Variants in AKAP3 observed in about 807,000 individuals in gnomAD.
AKAP3 encodes the protein A-kinase anchor protein 3.
AKAP3 carries 27 observed loss-of-function variants against 57.2 expected under a neutral mutation model. That is an observed-to-expected ratio of 0.47 (90% confidence interval 0.35 to 0.65). The LOEUF (loss-of-function observed/expected upper bound fraction) is 0.65, where lower values mean the gene tolerates loss of function less well. Among genes scored for constraint, AKAP3 ranks in the 30% least tolerant of loss-of-function variants. The pLI, the probability that AKAP3 is intolerant of heterozygous loss-of-function variation, is 0.01. For synonymous variants in AKAP3, 334 were observed against 392.3 expected, an observed-to-expected ratio of 0.85 and a Z score of 1.76; for missense variants, 959 against 1,040.0, an observed-to-expected ratio of 0.92 and a Z score of 1.07.
In AKAP3 at chr12:4,615,832, C is replaced by T. The variant is rs763371692; in HGVS notation, c.2469G>A (p.Ser823=). ...KGCSVGEVLQ[S]VLRYEKERQL... Reference sequence around the variant, plus strand: ...GGCGCTCCTTCTCATAGCGCAGCACCGACTGCAGAACCTCGCCCACACTGC... The same window carrying T: ...GGCGCTCCTTCTCATAGCGCAGCACTGACTGCAGAACCTCGCCCACACTGC... The change falls in exon 6 of 6, where the codon TCG becomes TCA. Residue 823 remains serine, a synonymous_variant. Transcript: ENST00000228850. The T allele has an allele frequency of 1.7e-5, 27 of 1,614,100 alleles. No individual in the cohort carries two copies. Among genetic ancestry groups the T allele is most frequent in the Admixed American group, 3.3e-5 (2 of 60,002 alleles).
At chr12:4,619,486 A>C (rs1945321401) in intron 5 of AKAP3, among the ~76,000 whole-genome samples, 1 of 151,930 alleles carries the variant, frequency 6.6e-6, no homozygotes, top group African/African-American at 2.4e-5. Context: ...AAGCCTAGGG[A>C]GTTTGAGGCT....
rs773938534 is a variant in AKAP3, at chr12:4,628,039, T to G, written c.863A>C (p.Tyr288Ser). The G allele has an allele frequency of 6.2e-6, 10 of 1,614,156 alleles. No homozygotes were observed. The highest frequency in any genetic ancestry group is 8.5e-6 in the Non-Finnish European group (10 of 1,180,014). The change falls in exon 5 of 6, where the codon TAT becomes TCT. Residue 288 changes from tyrosine to serine, a missense_variant. Coordinates refer to ENST00000228850, the MANE Select transcript of AKAP3 (RefSeq NM_001278309.2). ...CATATCAGATACCACACTGTTAGCA[T>G]AGGTCATGATCCCTTCACTAACAGA... ...TASVSEGIMT[Y>S]ANSVVSDMMV...
At chr12:4,636,512 G>C (rs1297645175) in intron 4 of AKAP3, among the ~76,000 whole-genome samples, 1 of 152,212 alleles carries the variant, frequency 6.6e-6, no homozygotes, top group East Asian at 1.9e-4. Flanking sequence ...CATTGAAACT[G>C]ATCTGCCTTT....
chr12:4,616,097 A>G (rs1945282033), intron 5 of AKAP3, among the ~76,000 whole-genome samples: 1 of 152,248 alleles, frequency 6.6e-6, no homozygotes, highest in South Asian at 2.1e-4. Flanking sequence ...CCACCTGCCC[A>G]TGATCTTGCT....
chr12:4,628,957 G>T, intron 4 of AKAP3, 152 bp from the exon 5 acceptor site: 2 of 683,788 alleles, frequency 2.9e-6, no homozygotes, highest in Non-Finnish European at 2.3e-6. Flanking sequence ...TACTCACTGT[G>T]TATCAGACAT....
At chr12:4,638,039 G>C (rs1945587886) in intron 4 of AKAP3, 62 bp downstream of exon 4, 4 of 1,338,110 alleles carry the variant, frequency 3.0e-6, no homozygotes, top group Non-Finnish European at 4.3e-6. Flanking sequence ...AGAGAATAAG[G>C]CTACTCTTAA....
intron 5 of AKAP3, among the ~76,000 whole-genome samples, chr12:4,616,368 T>C (rs970791068): frequency 6.6e-6 from 1 of 152,238 alleles, no homozygotes; most frequent in African/African-American, 2.4e-5. Context: ...CCAAAATTCA[T>C]TGCAGGTATT....
chr12:4,628,593 G>A lies in AKAP3; in HGVS notation c.309C>T (p.His103=), dbSNP rs767638862. The A allele has an allele frequency of 2.5e-6, 4 of 1,614,098 alleles. No individual in the cohort carries two copies. The African/African-American group carries it at 5.3e-5, about 22-fold the overall frequency. ...TGGGGCCCTGGCAAGGAATCTCTTT[G>A]TGAGTCATCTCAAAATGCAATCTTT... The part of the protein sequence containing the change: ...TPERLHFEMT[H]KEIPCQGPRA... The change falls in exon 5 of 6, where the codon CAC becomes CAT. Residue 103 remains histidine, a synonymous_variant. Transcript: ENST00000228850.
intron 4 of AKAP3, among the ~76,000 whole-genome samples, chr12:4,629,696 G>A (rs7316317): frequency 0.1 from 15,309 of 152,124 alleles, 1,448 homozygotes; most frequent in East Asian, 0.27. Context: ...AACTGAATCA[G>A]ATTTTTTCTT....
At chr12:4,618,539 T>A (rs1945311935) in intron 5 of AKAP3, among the ~76,000 whole-genome samples, 1 of 152,258 alleles carries the variant, frequency 6.6e-6, no homozygotes, top group Admixed American at 6.5e-5. Context: ...AAAATCTTCA[T>A]GGCCTTGCAT....
At position 4,626,583 on chromosome 12, in the gene AKAP3, G is replaced by C; in HGVS notation, c.2319C>G (p.Leu773=). The C allele has an allele frequency of 1.2e-6, 2 of 1,614,184 alleles. No individual in the cohort carries two copies. Among genetic ancestry groups the C allele is most frequent in the Non-Finnish European group, 1.7e-6 (2 of 1,180,016 alleles). ...NLTDTVQNKQ[L]QAVLQWVAAS... is the part of the protein sequence containing the mutation. ...CAGCTACCCATTGAAGGACGGCTTG[G>C]AGTTGCTTGTTCTGAACTGTGTCCG... Residue 773 remains leucine, a synonymous_variant, in exon 5 of 6, where the codon CTC becomes CTG. Coordinates refer to ENST00000228850, the MANE Select transcript of AKAP3 (RefSeq NM_001278309.2).
rs1945734083 is a variant in AKAP3, at chr12:4,648,940, CAA to C, written c.-442_-441del. The C allele has an allele frequency of 6.2e-6, 4 of 645,200 alleles. No homozygotes were observed. Among genetic ancestry groups the C allele is most frequent in the Non-Finnish European group, 1.1e-5 (4 of 375,248 alleles). The allele number at this position is 645,200 out of a possible 1,614,324, so 40.0% of individuals were successfully genotyped here. ...ATTCCAGATCTGAGATTCCAACAGC[CAA>C]AGTCTTTTCACTTCCTTTCTTCCCC... On this transcript the variant is annotated 5_prime_UTR_variant, in exon 1 of 6. Transcript: ENST00000228850.
intron 4 of AKAP3, chr12:4,631,225 ATC>A (rs2137437316): frequency 1.7e-6 from 1 of 588,118 alleles, no homozygotes; most frequent in East Asian, 3.2e-5. Flanking sequence ...CCATTTGGTA[ATC>A]TCTTTTATGG....
rs1945276064 is a variant in AKAP3 at position 4,615,729 on chromosome 12, G to A, written c.*10C>T. ...ACTGCCAGAAGAGGGGAAAGCAGTG[G>A]GGTTGCCGATTACAGGTTCACCATC... On this transcript the variant is annotated 3_prime_UTR_variant, in exon 6 of 6. Coordinates refer to ENST00000228850, the MANE Select transcript of AKAP3 (RefSeq NM_001278309.2). The A allele has an allele frequency of 1.9e-6, 3 of 1,611,800 alleles. No individual in the cohort carries two copies. In the East Asian group the frequency reaches 6.7e-5, roughly 36 times the overall value.
At chr12:4,646,908 G>A (rs1045178275) in intron 1 of AKAP3, among the ~76,000 whole-genome samples, 2 of 151,720 alleles carry the variant, frequency 1.3e-5, no homozygotes, top group Admixed American at 6.6e-5. Context: ...TCAGTCTCCC[G>A]AGTAACTGGG....
In AKAP3 at chr12:4,626,398, T is replaced by C. The variant is rs564381190; in HGVS notation, c.2406+98A>G. 209 of 1,378,990 alleles carry C rather than the reference T, an allele frequency of 1.5e-4. 1 individual carries two copies. The highest frequency in any genetic ancestry group is 7.9e-6 in the Non-Finnish European group (8 of 1,017,516). The allele number at this position is 1,378,990 out of a possible 1,614,324, so 85.4% of individuals were successfully genotyped here. On this transcript the variant is annotated intron_variant, in intron 5 of 5. Transcript: ENST00000228850. ...CAAATCCCACTGTTCCCATTTTACC[T>C]TCTCTGTGGCTATCTTCCCATTCAG... is the stretch of plus-strand genomic sequence containing the variant.
chr12:4,636,976 G>A (rs1004570421), intron 4 of AKAP3, among the ~76,000 whole-genome samples: 1 of 152,030 alleles, frequency 6.6e-6, no homozygotes, highest in African/African-American at 2.4e-5. Flanking sequence ...CAACTCCTGG[G>A]CTCAAGCAAT....
At chr12:4,618,465 A>G (rs552924549) in intron 5 of AKAP3, among the ~76,000 whole-genome samples, 61 of 152,336 alleles carry the variant, frequency 4.0e-4, no homozygotes, top group African/African-American at 1.4e-3. Context: ...AAATTAACTC[A>G]AAGTAGATCA....
chr12:4,639,411 A>G (rs532728817), intron 3 of AKAP3, among the ~76,000 whole-genome samples: 1 of 151,990 alleles, frequency 6.6e-6, no homozygotes, highest in East Asian at 1.9e-4. Context: ...AGTAATATTT[A>G]ATTTAATTTA....
Sources: gnomAD v4.1 joint callset for allele counts (sites outside exome capture counted in the v4.1 genomes callset) on GRCh38, gnomAD v4.1.1 for gene constraint, MANE v1.5 for transcripts, NCBI Gene and HGNC (gene_info 2026-07-23, HGNC 2026-07-21) for gene names.